The following ST13 variants were observed in gnomAD, a reference collection of about 807,000 sequenced individuals.
ST13 encodes the protein ST13 Hsp70 interacting protein.
A neutral mutation model predicts 56.7 loss-of-function variants in ST13; 23 were observed. The ratio of observed to expected loss-of-function variants is 0.41; its 90% CI spans 0.29 to 0.57. The LOEUF (loss-of-function observed/expected upper bound fraction) is 0.57. Among genes scored for constraint, ST13 ranks in the 20% least tolerant of loss-of-function variants. The pLI, the probability that ST13 is intolerant of heterozygous loss-of-function variation, is 0.36. For synonymous variants in ST13, 132 were observed against 142.4 expected, an observed-to-expected ratio of 0.93 and a Z score of 0.52; for missense variants, 369 against 459.9, an observed-to-expected ratio of 0.80 and a Z score of 1.81.
intron 5 of ST13, among the ~76,000 whole-genome samples, chr22:40,840,405 G>A (rs1171404768): frequency 6.6e-6 from 1 of 151,286 alleles, no homozygotes; most frequent in Non-Finnish European, 1.5e-5. Context: ...ACCACGATAG[G>A]GTCAGGAAAT....
intron 1 of ST13, among the ~76,000 whole-genome samples, chr22:40,851,181 G>C (rs577728746): frequency 2.0e-5 from 3 of 152,174 alleles, no homozygotes; most frequent in Non-Finnish European, 4.4e-5. Flanking sequence ...ATGTCAACAT[G>C]CAATGACAAA....
intron 7 of ST13, among the ~76,000 whole-genome samples, chr22:40,834,502 A>G (rs939979646): frequency 5.3e-5 from 8 of 152,244 alleles, no homozygotes; most frequent in African/African-American, 1.9e-4. Flanking sequence ...ACATTTTAAT[A>G]GAAAATATCA....
At position 40,825,276 on chromosome 22, in the gene ST13, G is replaced by A. The variant is rs1378284438; in HGVS notation, c.*1262C>T. ...CTCAACAACTCCACAATGAATAACT[G>A]TGGATTATCTCATTTATAATTCACA... On this transcript the variant is annotated 3_prime_UTR_variant, in exon 12 of 12. Coordinates refer to ENST00000216218, the MANE Select transcript of ST13 (RefSeq NM_003932.5). 2 of 152,098 alleles carry A rather than the reference G, an allele frequency of 1.3e-5. No homozygotes were observed. The highest frequency in any genetic ancestry group is 2.9e-5 in the Non-Finnish European group (2 of 68,020). 9.4% of individuals were successfully genotyped at this position (152,098 alleles called of 1,614,324 possible). A position where few individuals can be genotyped will look rare whatever the true frequency, so the allele number is the denominator to read the frequency against.
At chr22:40,840,104 C>T (rs1454394754) in intron 5 of ST13, among the ~76,000 whole-genome samples, 5 of 152,014 alleles carry the variant, frequency 3.3e-5, no homozygotes, top group African/African-American at 7.2e-5. Flanking sequence ...GAGCCGAGAT[C>T]GCATCACTGC....
chr22:40,842,768 T>C (rs2057810673), intron 4 of ST13, among the ~76,000 whole-genome samples: 1 of 152,276 alleles, frequency 6.6e-6, no homozygotes, highest in Admixed American at 6.5e-5. Context: ...ATAAAAGAAG[T>C]AATACCATCA....
At chr22:40,844,969 A>G (rs912038892) in intron 3 of ST13, 60 bp from the exon 4 acceptor site, 1 of 1,207,748 alleles carries the variant, frequency 8.3e-7, no homozygotes, top group Non-Finnish European at 1.2e-6. Flanking sequence ...AGCCACTCCC[A>G]AGATTATTAA....
At chr22:40,832,733 A>C in intron 7 of ST13, 62 bp from the exon 8 acceptor site, 1 of 1,246,302 alleles carries the variant, frequency 8.0e-7, no homozygotes, top group Non-Finnish European at 1.2e-6. Flanking sequence ...GTGGCATGAT[A>C]TCTTTCTTCC....
chr22:40,829,343 G>A (rs960586274), intron 10 of ST13, among the ~76,000 whole-genome samples: 4 of 152,082 alleles, frequency 2.6e-5, no homozygotes, highest in African/African-American at 7.2e-5. Context: ...TGCCTTTTCC[G>A]TCTCTTCTAT....
chr22:40,851,048 T>C (rs1300897388), intron 1 of ST13, among the ~76,000 whole-genome samples, 168 bp from the exon 2 acceptor site: 1 of 152,200 alleles, frequency 6.6e-6, no homozygotes, highest in Non-Finnish European at 1.5e-5. Context: ...ATGGTTAAAT[T>C]TTTTCCAGCT....
chr22:40,856,196 T>C (rs779814231), intron 1 of ST13, among the ~76,000 whole-genome samples: 13 of 152,158 alleles, frequency 8.5e-5, no homozygotes, highest in Admixed American at 6.5e-4. Flanking sequence ...TCGCCCAAGA[T>C]ACACCCCTGG....
chr22:40,824,958 A>G lies in ST13; in HGVS notation c.*1580T>C, dbSNP rs2057720975. 6.6e-6 allele frequency: 1 copy of G among 152,238 alleles called. No individual in the cohort carries two copies. Among genetic ancestry groups the G allele is most frequent in the African/African-American group, 2.4e-5 (1 of 41,470 alleles). The allele number at this position is 152,238 out of a possible 1,614,324, so 9.4% of individuals were successfully genotyped here. On this transcript the variant is annotated 3_prime_UTR_variant, in exon 12 of 12. Coordinates refer to ENST00000216218, the MANE Select transcript of ST13 (RefSeq NM_003932.5). ...GTGGTATTTTAGAAATGTACTCCAT[A>G]GAATTTACTTCACTGCTCCTACCAC...
At chr22:40,832,165 A>C (rs2057756913) in intron 8 of ST13, 1 of 471,434 alleles carries the variant, frequency 2.1e-6, no homozygotes, top group South Asian at 1.5e-5. Flanking sequence ...GAAAGCCTGA[A>C]ACTTCTTAAC....
At chr22:40,844,039 T>C (rs1400953564) in intron 4 of ST13, among the ~76,000 whole-genome samples, 1 of 152,068 alleles carries the variant, frequency 6.6e-6, no homozygotes, top group Non-Finnish European at 1.5e-5. Flanking sequence ...TGCACCATCA[T>C]GCCTGGCTTA....
At chr22:40,849,061 T>G (rs924961447) in intron 2 of ST13, among the ~76,000 whole-genome samples, 2 of 152,244 alleles carry the variant, frequency 1.3e-5, no homozygotes, top group Admixed American at 6.5e-5. Context: ...CTCTATCCTT[T>G]GCCTTTTGCA....
At chr22:40,854,619 GTTC>G (rs912152089) in intron 1 of ST13, 14 of 152,292 alleles carry the variant, frequency 9.2e-5, no homozygotes, top group African/African-American at 3.4e-4. Flanking sequence ...CTTTTAATTT[GTTC>G]TTCTGTGTCT....
chr22:40,841,203 GAAA>G (rs1187227386), intron 4 of ST13, among the ~76,000 whole-genome samples: 2 of 90,484 alleles, frequency 2.2e-5, no homozygotes, highest in South Asian at 4.3e-4. Context: ...CCAAAAAAAA[GAAA>G]AAAAAAAAAA....
intron 4 of ST13, among the ~76,000 whole-genome samples, chr22:40,844,419 G>A (rs1200972779): frequency 1.3e-5 from 2 of 151,906 alleles, no homozygotes; most frequent in African/African-American, 4.8e-5. Flanking sequence ...AATATTCTAT[G>A]AGTCTTTGGA....
rs991675758 is a variant in ST13, at chr22:40,840,065, G to C, written c.382+561C>G. ...CTCGGGAGGCTGAGGCAGGAGGACT[G>C]CTTGAACCCGGGAGGCGGAGGTTGT... On this transcript the variant is annotated intron_variant, in intron 5 of 11. Coordinates refer to ENST00000216218, the MANE Select transcript of ST13 (RefSeq NM_003932.5). Among the ~76,000 whole-genome samples the C allele has an allele frequency of 3.9e-5, 6 of 152,068 alleles. No individual in the cohort carries two copies. In the East Asian group the frequency reaches 1.2e-3, roughly 29 times the overall value.
At position 40,827,124 on chromosome 22, in the gene ST13, C is replaced by T. The variant is rs2057732187; in HGVS notation, c.953G>A (p.Ser318Asn). ...AGMPGLNEIL[S>N]DPEVLAAMQD... ...CATGGCTGCAAGAACCTCTGGATCA[C>T]TAAGAATTTCATTGAGTCCAGGCAT... The change falls in exon 11 of 12, where the codon AGT (serine) becomes AAT (asparagine). Residue 318 changes from serine (S) to asparagine (N), a missense_variant. By Grantham distance (46) the Ser-to-Asn change is conservative. Coordinates refer to ENST00000216218, the MANE Select transcript of ST13 (RefSeq NM_003932.5). 2 of 1,612,054 alleles carry T rather than the reference C, an allele frequency of 1.2e-6. No homozygotes were observed. The highest frequency in any genetic ancestry group is 1.3e-5 in the African/African-American group (1 of 74,884).
Sources: allele counts gnomAD v4.1 joint callset (sites outside exome capture counted in the v4.1 genomes callset), GRCh38; gene constraint gnomAD v4.1.1; transcripts MANE v1.5; gene names NCBI Gene and HGNC (gene_info 2026-07-23, HGNC 2026-07-21).